Variants in LINGO1 observed in about 807,000 individuals in gnomAD.
LINGO1 encodes leucine-rich repeat and immunoglobulin-like domain-containing nogo receptor-interacting protein 1.
LINGO1 carries 11 observed loss-of-function variants against 37.3 expected under a neutral mutation model. The ratio of observed to expected loss-of-function variants is 0.29; its 90% CI spans 0.19 to 0.49. The LOEUF is 0.49. LINGO1 is among the 20% of genes least tolerant of loss of function. The probability of loss-of-function intolerance (pLI) is 0.99; values close to 1 mark genes in which losing one functional copy is unlikely to be tolerated. For missense variants in LINGO1, 585 were observed against 878.2 expected, an observed-to-expected ratio of 0.67 and a Z score of 4.22; for synonymous variants, 387 against 403.0, an observed-to-expected ratio of 0.96 and a Z score of 0.48.
At chr15:77,738,774 AG>A (rs1165724946) in intron 1 of LINGO1, among the ~76,000 whole-genome samples, 2 of 151,000 alleles carry the variant, frequency 1.3e-5, no homozygotes, top group Non-Finnish European at 3.0e-5. Context: ...GAAGGAAGGA[AG>A]GAAGGAAGGA....
At chr15:77,718,550 C>CCA (rs1010628293) in intron 2 of LINGO1, among the ~76,000 whole-genome samples, 2 of 150,960 alleles carry the variant, frequency 1.3e-5, no homozygotes, top group African/African-American at 2.4e-5. Flanking sequence ...TGGCACATGT[C>CCA]CACACACACG....
At chr15:77,629,420 T>C (rs763041544) in intron 1 of LINGO1, among the ~76,000 whole-genome samples, 30 of 152,130 alleles carry the variant, frequency 2.0e-4, no homozygotes, top group Non-Finnish European at 1.0e-4. Context: ...CTTCCCTGAT[T>C]CTGGAGTCCC....
intron 2 of LINGO1, among the ~76,000 whole-genome samples, chr15:77,731,500 G>A (rs890019556): frequency 1.3e-5 from 2 of 152,152 alleles, no homozygotes; most frequent in African/African-American, 4.8e-5. Flanking sequence ...TGTGACTTGG[G>A]TCAACTCAGC....
chr15:77,771,079 G>A (rs2076580259), intron 1 of LINGO1, among the ~76,000 whole-genome samples: 2 of 152,178 alleles, frequency 1.3e-5, no homozygotes. Flanking sequence ...AACAGAGATG[G>A]GATAACAGCA....
intron 1 of LINGO1, among the ~76,000 whole-genome samples, chr15:77,762,657 C>A (rs1349276050): frequency 6.6e-6 from 1 of 152,136 alleles, no homozygotes; most frequent in South Asian, 2.1e-4. Flanking sequence ...CAAGCGGGAC[C>A]ACCCTCCACC....
intron 1 of LINGO1, among the ~76,000 whole-genome samples, chr15:77,740,411 T>C (rs2076251286): frequency 6.6e-6 from 1 of 152,128 alleles, no homozygotes; most frequent in South Asian, 2.1e-4. Context: ...AAGACCCTCT[T>C]GTCTCCAGCT....
chr15:77,694,253 A>G (rs1241751174), intron 1 of LINGO1, among the ~76,000 whole-genome samples: 4 of 152,064 alleles, frequency 2.6e-5, no homozygotes, highest in Non-Finnish European at 5.9e-5. Flanking sequence ...CACAGATCAC[A>G]GAACGCTCCC....
At position 77,615,408 on chromosome 15, in the gene LINGO1, A is replaced by C; in HGVS notation, c.499T>G (p.Tyr167Asp). 2 of 1,614,034 alleles carry C rather than the reference A, an allele frequency of 1.2e-6. No homozygotes were observed. The highest frequency in any genetic ancestry group is 1.7e-6 in the Non-Finnish European group (2 of 1,179,906). Residue 167 changes from tyrosine to aspartate, a missense_variant, in exon 2 of 2, where the codon TAC (tyrosine) becomes GAC (aspartate). Coordinates refer to ENST00000355300, the MANE Select transcript of LINGO1 (RefSeq NM_032808.7). ...ILLDYMFQDL[Y>D]NLKSLEVGDN... ...CCAACCTCCAGTGACTTGAGGTTGT[A>C]CAGGTCCTGAAACATGTAGTCCAGT...
chr15:77,817,347 G>A (rs77235588), intron 1 of LINGO1, among the ~76,000 whole-genome samples: 2,724 of 152,282 alleles, frequency 0.018, 83 homozygotes, highest in African/African-American at 0.064. Flanking sequence ...GATCTCCACG[G>A]GGCATCTTTG....
chr15:77,632,184 G>A lies in LINGO1; in HGVS notation c.6+126C>T. ...GGGAAATCAGGCCTATGACCCCAAAGGAGGTCTGGGTGGCACCGAGGTGCC... is the reference window on the plus strand; with the variant it reads ...GGGAAATCAGGCCTATGACCCCAAAAGAGGTCTGGGTGGCACCGAGGTGCC... On this transcript the variant is annotated intron_variant, in intron 1 of 1. Transcript: ENST00000355300. This position sits in a 1 kb window ranked among gnomAD's most constrained non-coding sequence, Gnocchi z 6.0. 1 of 962,622 alleles carries A rather than the reference G, an allele frequency of 1.0e-6. No individual in the cohort carries two copies. 59.6% of individuals were successfully genotyped at this position (962,622 alleles called of 1,614,324 possible).
At chr15:77,755,558 G>C (rs2076411166) in intron 1 of LINGO1, among the ~76,000 whole-genome samples, 1 of 152,168 alleles carries the variant, frequency 6.6e-6, no homozygotes, top group Non-Finnish European at 1.5e-5. Context: ...ATGTGTGTAG[G>C]GTGGCAGGCA....
chr15:77,819,809 T>C (rs7182763), intron 1 of LINGO1, among the ~76,000 whole-genome samples: 144,424 of 151,022 alleles, frequency 0.96, 69,141 homozygotes, highest in African/African-American at 0.99. Flanking sequence ...AGCCCGAACC[T>C]GGGCCCAGGT....
chr15:77,808,074 C>T (rs144040863), intron 1 of LINGO1, among the ~76,000 whole-genome samples: 17 of 152,188 alleles, frequency 1.1e-4, no homozygotes, highest in Non-Finnish European at 1.8e-4. Flanking sequence ...GAGAGAAGCC[C>T]CCAGCTGCCC....
At chr15:77,813,575 C>G (rs543285495) in intron 1 of LINGO1, among the ~76,000 whole-genome samples, 1 of 152,150 alleles carries the variant, frequency 6.6e-6, no homozygotes, top group African/African-American at 2.4e-5. Flanking sequence ...GCTGGTCCTA[C>G]TCATCTCTGT....
intron 1 of LINGO1, among the ~76,000 whole-genome samples, chr15:77,754,354 C>G (rs919242316): frequency 6.6e-6 from 1 of 152,002 alleles, no homozygotes; most frequent in Non-Finnish European, 1.5e-5. Context: ...GACAGATTCC[C>G]CCATTCTTGA....
chr15:77,690,076 T>C (rs949300179), intron 2 of LINGO1, among the ~76,000 whole-genome samples: 2 of 152,190 alleles, frequency 1.3e-5, no homozygotes, highest in African/African-American at 2.4e-5. Context: ...TCATCTAGAA[T>C]GATTATTTGT....
chr15:77,755,777 C>T (rs896310531), intron 1 of LINGO1, among the ~76,000 whole-genome samples: 8 of 152,148 alleles, frequency 5.3e-5, no homozygotes, highest in African/African-American at 1.9e-4. Flanking sequence ...GTCAGTGGCC[C>T]CACCCCACCT....
chr15:77,762,166 C>G (rs2076484039), intron 1 of LINGO1, among the ~76,000 whole-genome samples: 1 of 152,178 alleles, frequency 6.6e-6, no homozygotes, highest in South Asian at 2.1e-4. Flanking sequence ...ATTAAGCAGT[C>G]CTTGCTGGGG....
intron 1 of LINGO1, among the ~76,000 whole-genome samples, chr15:77,622,130 G>T (rs56314140): frequency 0.017 from 2,522 of 152,288 alleles, 73 homozygotes; most frequent in African/African-American, 0.058. Context: ...CTGGGAAGGG[G>T]GCTAGAGCAC....
Sources: allele counts gnomAD v4.1 joint callset (sites outside exome capture counted in the v4.1 genomes callset), GRCh38; gene constraint gnomAD v4.1.1; non-coding constraint Gnocchi (gnomAD v3.1); transcripts MANE v1.5; gene names NCBI Gene and HGNC (gene_info 2026-07-23, HGNC 2026-07-21).